Variants in SAMD12 observed in about 807,000 individuals in gnomAD.
The protein encoded by SAMD12 is sterile alpha motif domain-containing protein 12.
In SAMD12, 9 loss-of-function variants were observed where a neutral mutation model predicts 15.0. The observed-to-expected ratio is 0.60, with a 90% CI of 0.36 to 1.05. SAMD12 has a LOEUF of 1.05. Among genes scored for constraint, SAMD12 ranks in the 50% least tolerant of loss-of-function variants. The pLI is 0.01. For missense variants in SAMD12, 230 were observed against 234.2 expected (o/e 0.98, Z 0.12); for synonymous variants, 86 against 90.1 (o/e 0.96, Z 0.25).
intron 4 of SAMD12, among the ~76,000 whole-genome samples, chr8:118,323,973 A>G (rs1388883427): frequency 1.3e-5 from 2 of 152,160 alleles, no homozygotes; most frequent in East Asian, 1.9e-4. Context: ...TCTTTTTAAT[A>G]CTTTTTCCTT....
At chr8:118,562,346 T>C (rs905723752) in intron 2 of SAMD12, among the ~76,000 whole-genome samples, 2 of 151,716 alleles carry the variant, frequency 1.3e-5, no homozygotes, top group Admixed American at 6.6e-5. Context: ...AGGAGGGGAA[T>C]AGTAAGAAAC....
At chr8:118,321,553 G>T (rs1816286128) in intron 4 of SAMD12, among the ~76,000 whole-genome samples, 1 of 152,068 alleles carries the variant, frequency 6.6e-6, no homozygotes, top group Non-Finnish European at 1.5e-5. Context: ...GATGGAAGTT[G>T]CATTGAGCCA....
In SAMD12 at chr8:118,550,530, A is replaced by G. The variant is rs1173902845; in HGVS notation, c.192+30185T>C. ...CCCTAAAAGAGCTCCTGAAGGAAGC[A>G]CTAAACATGGAAAGGAACAACCGGT... On this transcript the variant is annotated intron_variant, in intron 2 of 3. Transcript: ENST00000314727. 4.1e-4 allele frequency among the ~76,000 whole-genome samples: 62 copies of G among 152,336 alleles called. 1 individual carries two copies. Among genetic ancestry groups the G allele is most frequent in the Non-Finnish European group, 6.5e-4 (44 of 68,036 alleles).
the SAMD12 span, among the ~76,000 whole-genome samples, chr8:118,171,714 C>CT: frequency 7.1e-6 from 1 of 141,758 alleles, no homozygotes; most frequent in Non-Finnish European, 1.5e-5. Context: ...GGAGTGGCTG[C>CT]TAATGGGTAC....
the SAMD12 span, among the ~76,000 whole-genome samples, chr8:118,174,085 G>T: frequency 9.2e-5 from 14 of 152,160 alleles, no homozygotes; most frequent in Admixed American, 9.2e-4. Context: ...AAAAGTACTG[G>T]ACCTTGGGGA....
chr8:118,594,038 C>A lies in SAMD12; in HGVS notation c.14-13145G>T, dbSNP rs570458887. On this transcript the variant is annotated intron_variant, in intron 1 of 3. Coordinates refer to ENST00000314727, the MANE Select transcript of SAMD12 (RefSeq NM_207506.3). ...TCCCCCACACTGATTGCTTCTATGT[C>A]ACAAATCACAGTTATTTTCTTGTTA... Among the ~76,000 whole-genome samples, 5 of 152,228 alleles carry A rather than the reference C, an allele frequency of 3.3e-5. No individual in the cohort carries two copies. In the East Asian group the frequency reaches 9.6e-4, roughly 29 times the overall value.
intron 4 of SAMD12, among the ~76,000 whole-genome samples, chr8:118,363,480 G>T (rs1253716602): frequency 1.3e-5 from 2 of 151,534 alleles, no homozygotes; most frequent in East Asian, 1.9e-4. Context: ...GAGACACTGG[G>T]TTTTTTTTTC....
chr8:118,376,986 T>C (rs572384613), downstream of SAMD12, among the ~76,000 whole-genome samples: 40 of 152,246 alleles, frequency 2.6e-4, no homozygotes, highest in African/African-American at 8.9e-4. Flanking sequence ...CAACTTCTAC[T>C]ATTAATCATA....
At chr8:118,569,523 C>A (rs2131230547) in intron 2 of SAMD12, among the ~76,000 whole-genome samples, 1 of 152,240 alleles carries the variant, frequency 6.6e-6, no homozygotes, top group African/African-American at 2.4e-5. Flanking sequence ...CCTCCTAAAA[C>A]TGATAGGTTG....
rs1211170348 is a variant in SAMD12 at position 118,580,717 on chromosome 8, T to C, written c.190A>G (p.Lys64Glu). Residue 64 changes from lysine to glutamate, a missense_variant and splice_region_variant, in exon 2 of 4, where the codon AAG (lysine) becomes GAG (glutamate). Physicochemically the swap from Lys to Glu is moderately conservative, Grantham distance 56. Transcript: ENST00000314727. The stretch of plus-strand genomic sequence containing the variant: ...TAATTAACTGGAATATTACGCACCT[T>C]AGCCGTCTCAGCTTCTGCCTGCAGT... The part of the protein sequence containing the change: ...KRLQAEAETA[K>E]SATVKLSKPV... 1 of 1,611,262 alleles carries C rather than the reference T, an allele frequency of 6.2e-7. No individual in the cohort carries two copies. Among genetic ancestry groups the C allele is most frequent in the Non-Finnish European group, 8.5e-7 (1 of 1,177,868 alleles).
intron 2 of SAMD12, among the ~76,000 whole-genome samples, chr8:118,507,103 T>C (rs1050143503): frequency 6.6e-6 from 1 of 152,132 alleles, no homozygotes; most frequent in Non-Finnish European, 1.5e-5. Flanking sequence ...CGGTCTTGGC[T>C]TATGTCACTG....
At chr8:118,498,333 A>T (rs1824685990) in intron 2 of SAMD12, among the ~76,000 whole-genome samples, 1 of 152,204 alleles carries the variant, frequency 6.6e-6, no homozygotes, top group Admixed American at 6.5e-5. Flanking sequence ...GAAGAATGAG[A>T]TTGTGTTTGC....
intron 1 of SAMD12, among the ~76,000 whole-genome samples, chr8:118,605,631 A>G (rs988996993): frequency 7.2e-5 from 11 of 151,970 alleles, no homozygotes; most frequent in African/African-American, 1.9e-4. Flanking sequence ...AAATGGAGAT[A>G]TTTTCTAAGA....
chr8:118,185,427 T>G (rs1819227430), downstream of SAMD12, among the ~76,000 whole-genome samples: 1 of 152,128 alleles, frequency 6.6e-6, no homozygotes, highest in Admixed American at 6.5e-5. Context: ...CCATTATATA[T>G]TCTTATGGCT....
chr8:118,542,766 A>G (rs1480610599), intron 2 of SAMD12, among the ~76,000 whole-genome samples: 2 of 152,254 alleles, frequency 1.3e-5, no homozygotes, highest in Non-Finnish European at 2.9e-5. Flanking sequence ...ATTTTGAGGA[A>G]TGATTCACCC....
chr8:118,179,930 G>A, the SAMD12 span, among the ~76,000 whole-genome samples: 7 of 152,326 alleles, frequency 4.6e-5, no homozygotes, highest in East Asian at 1.9e-4. Context: ...ACAGCTTAGC[G>A]TGGCCACTGA....
intron 2 of SAMD12, among the ~76,000 whole-genome samples, chr8:118,538,742 T>C (rs1825913244): frequency 6.6e-6 from 1 of 152,216 alleles, no homozygotes; most frequent in Non-Finnish European, 1.5e-5. Flanking sequence ...ACTTTACTTT[T>C]GGTTCCTACG....
chr8:118,397,378 T>C (rs554127493), intron 3 of SAMD12, among the ~76,000 whole-genome samples: 1 of 152,064 alleles, frequency 6.6e-6, no homozygotes, highest in African/African-American at 2.4e-5. Flanking sequence ...CCCAGAGAAG[T>C]ATGGTTCAGG....
At chr8:118,446,699 TC>T (rs1322741624) in intron 2 of SAMD12, among the ~76,000 whole-genome samples, 3 of 152,196 alleles carry the variant, frequency 2.0e-5, no homozygotes, top group Non-Finnish European at 4.4e-5. Context: ...ATCTTCATCA[TC>T]TTTTTACTGA....
Sources: gnomAD v4.1 joint callset for allele counts (sites outside exome capture counted in the v4.1 genomes callset) on GRCh38, gnomAD v4.1.1 for gene constraint, MANE v1.5 for transcripts, NCBI Gene and HGNC (gene_info 2026-07-23, HGNC 2026-07-21) for gene names.